CNTN4: variants seen among roughly 807,000 people sequenced by gnomAD.
The protein encoded by CNTN4 is contactin-4.
Under a neutral mutation model 122.5 loss-of-function variants are expected in CNTN4, and 77 were observed. The observed-to-expected ratio is 0.63, with a 90% confidence interval of 0.52 to 0.76. The LOEUF is 0.76. CNTN4 is among the 30% of genes least tolerant of loss of function. The probability of loss-of-function intolerance (pLI) is 0.00; values close to 1 mark genes in which losing one functional copy is unlikely to be tolerated. For synonymous variants in CNTN4, 512 were observed against 447.0 expected, an observed-to-expected ratio of 1.15 and a Z score of -1.83; for missense variants, 1,256 against 1,259.1, an observed-to-expected ratio of 1.00 and a Z score of 0.04.
At chr3:3,044,309 A>T (rs1370396293) in intron 23 of CNTN4, among the ~76,000 whole-genome samples, 1 of 152,186 alleles carries the variant, frequency 6.6e-6, no homozygotes, top group Non-Finnish European at 1.5e-5. Flanking sequence ...TAACAAACCA[A>T]CCTGAAGCTA....
At chr3:2,773,466 C>A (rs3935671) in intron 6 of CNTN4, among the ~76,000 whole-genome samples, 5 of 151,912 alleles carry the variant, frequency 3.3e-5, no homozygotes, top group African/African-American at 1.2e-4. Context: ...AACATTCTTA[C>A]GGGGTACTTT....
intron 2 of CNTN4, among the ~76,000 whole-genome samples, chr3:2,175,147 G>T (rs1025940799): frequency 6.6e-6 from 1 of 152,162 alleles, no homozygotes; most frequent in African/African-American, 2.4e-5. Context: ...TATAAAATAA[G>T]ATCTCTAATG....
chr3:2,430,011 G>A (rs1366374889), intron 3 of CNTN4, among the ~76,000 whole-genome samples: 6 of 152,114 alleles, frequency 3.9e-5, no homozygotes, highest in African/African-American at 4.8e-5. Flanking sequence ...GACCCCTTGC[G>A]CTTCCCGGGT....
chr3:2,693,625 G>A (rs1192122644), intron 4 of CNTN4, among the ~76,000 whole-genome samples: 1 of 152,062 alleles, frequency 6.6e-6, no homozygotes, highest in Non-Finnish European at 1.5e-5. Flanking sequence ...CTTTAGTCTG[G>A]AGAGAAAAAA....
In CNTN4 at chr3:2,303,711, G is replaced by A. The variant is rs73115741; in HGVS notation, c.-144-35467G>A. On this transcript the variant is annotated intron_variant, in intron 2 of 24. Transcript: ENST00000418658. The stretch of plus-strand genomic sequence containing the variant: ...CATACCTTGCAATTTCAGCAGCTCC[G>A]TTGTTCAGCGCTGCTAGTTCTCTTT... 2.7e-3 allele frequency among the ~76,000 whole-genome samples: 413 copies of A among 152,184 alleles called. 2 individuals carry two copies. Among genetic ancestry groups the A allele is most frequent in the African/African-American group, 9.4e-3 (392 of 41,506 alleles).
At chr3:2,160,268 TTA>T (rs2149171620) in intron 2 of CNTN4, among the ~76,000 whole-genome samples, 2 of 152,208 alleles carry the variant, frequency 1.3e-5, no homozygotes, top group African/African-American at 4.8e-5. Context: ...AACCATCGTT[TTA>T]CTGAAAAAGC....
intron 13 of CNTN4, among the ~76,000 whole-genome samples, chr3:2,978,485 C>T (rs1693635920): frequency 6.6e-6 from 1 of 152,262 alleles, no homozygotes; most frequent in South Asian, 2.1e-4. Flanking sequence ...CTCCTCCAGC[C>T]TATTGGTGCC....
intron 2 of CNTN4, among the ~76,000 whole-genome samples, chr3:2,290,775 C>G (rs2042104657): frequency 6.6e-6 from 1 of 152,052 alleles, no homozygotes; most frequent in African/African-American, 2.4e-5. Context: ...TCTTTGGATG[C>G]TAACTAGAGA....
chr3:2,505,540 C>G (rs2076710264), intron 3 of CNTN4, among the ~76,000 whole-genome samples: 1 of 152,138 alleles, frequency 6.6e-6, no homozygotes, highest in South Asian at 2.1e-4. Context: ...TTATACCAGC[C>G]TGTTGTGAAT....
At chr3:2,137,837 A>T (rs1574916996) in intron 2 of CNTN4, among the ~76,000 whole-genome samples, 1 of 152,066 alleles carries the variant, frequency 6.6e-6, no homozygotes, top group African/African-American at 2.4e-5. Context: ...GCCCTACCCC[A>T]CCCCTACTGC....
chr3:2,418,146 G>A (rs968630305), intron 3 of CNTN4, among the ~76,000 whole-genome samples: 6 of 152,140 alleles, frequency 3.9e-5, no homozygotes, highest in Non-Finnish European at 8.8e-5. Context: ...GACTCTGGGT[G>A]ATAATGATAT....
intron 6 of CNTN4, among the ~76,000 whole-genome samples, chr3:2,814,181 C>A (rs1004258748): frequency 1.3e-5 from 2 of 152,096 alleles, no homozygotes; most frequent in African/African-American, 4.8e-5. Flanking sequence ...CAAATGAAAT[C>A]AACACCAAAA....
chr3:2,444,899 T>A (rs1392620221), intron 3 of CNTN4, among the ~76,000 whole-genome samples: 1 of 152,044 alleles, frequency 6.6e-6, no homozygotes, highest in South Asian at 2.1e-4. Context: ...TTTGTACCCC[T>A]TGACAAAAGG....
chr3:2,413,157 G>A (rs575128335), intron 3 of CNTN4, among the ~76,000 whole-genome samples: 10 of 152,100 alleles, frequency 6.6e-5, no homozygotes, highest in African/African-American at 2.2e-4. Context: ...AATTGTCAGA[G>A]GGCTAACTCT....
chr3:2,553,433 GA>G (rs1465460496), intron 3 of CNTN4, among the ~76,000 whole-genome samples: 1 of 152,100 alleles, frequency 6.6e-6, no homozygotes, highest in Non-Finnish European at 1.5e-5. Context: ...TTCATCTCAA[GA>G]ACAAGAATAT....
Position 2,385,765 on chromosome 3 carries a change from T to C in CNTN4, c.-89+46532T>C, listed in dbSNP as rs2046229889. ...CATAAGTCTTATTGGATATGACCTA[T>C]CCTAATGAACTCATCTTAACTTGGT... On this transcript the variant is annotated intron_variant, in intron 3 of 24. Coordinates refer to ENST00000418658, the MANE Select transcript of CNTN4 (RefSeq NM_175607.3). The surrounding 1 kb of genome is among the most constrained non-coding windows in gnomAD (Gnocchi z 4.0). Among the ~76,000 whole-genome samples, 1 of 152,042 alleles carries C rather than the reference T, an allele frequency of 6.6e-6. No individual in the cohort carries two copies. The highest frequency in any genetic ancestry group is 2.1e-4 in the South Asian group (1 of 4,826).
chr3:2,368,124 CTGGGTTCA>C (rs2045479100), intron 3 of CNTN4, among the ~76,000 whole-genome samples: 1 of 149,840 alleles, frequency 6.7e-6, no homozygotes, highest in African/African-American at 2.5e-5. Context: ...GCTCTGCCTC[CTGGGTTCA>C]TGCCATTCTC....
intron 4 of CNTN4, among the ~76,000 whole-genome samples, chr3:2,624,232 G>A (rs984633735): frequency 6.6e-6 from 1 of 152,082 alleles, no homozygotes; most frequent in Non-Finnish European, 1.5e-5. Flanking sequence ...TCCTGAAAAA[G>A]CATTCATAGG....
At chr3:2,331,277 G>C (rs1168135083) in intron 2 of CNTN4, among the ~76,000 whole-genome samples, 1 of 152,116 alleles carries the variant, frequency 6.6e-6, no homozygotes, top group Admixed American at 6.5e-5. Flanking sequence ...AGGATATAGA[G>C]GCAGTTCAGG....
Sources: gnomAD v4.1 joint callset for allele counts (sites outside exome capture counted in the v4.1 genomes callset) on GRCh38, gnomAD v4.1.1 for gene constraint, Gnocchi (gnomAD v3.1) non-coding constraint, MANE v1.5 for transcripts, NCBI Gene and HGNC (gene_info 2026-07-23, HGNC 2026-07-21) for gene names.